Variants in PCLO observed in about 807,000 individuals in gnomAD.
The protein encoded by PCLO is piccolo presynaptic cytomatrix protein.
In PCLO, 82 loss-of-function variants were observed where a neutral mutation model predicts 427.5. The observed-to-expected ratio is 0.19, with a 90% CI of 0.16 to 0.23. The LOEUF (loss-of-function observed/expected upper bound fraction) is 0.23. Among genes scored for constraint, PCLO ranks in the 10% least tolerant of loss-of-function variants. The probability of loss-of-function intolerance (pLI) is 1.00; values close to 1 mark genes in which losing one functional copy is unlikely to be tolerated. For missense variants in PCLO, 6,239 were observed against 6,115.9 expected (o/e 1.02, Z -0.67); for synonymous variants, 2,357 against 2,155.4 (o/e 1.09, Z -2.59).
rs1246074280 is a variant in PCLO, at chr7:82,908,934, G to T, written c.13380C>A (p.Asp4460Glu). The T allele has an allele frequency of 6.2e-7, 1 of 1,612,860 alleles. No individual in the cohort carries two copies. The highest frequency in any genetic ancestry group is 8.5e-7 in the Non-Finnish European group (1 of 1,179,196). The stretch of plus-strand genomic sequence containing the variant: ...GGACCAATCTTTCCGGCAGTTTTCG[G>T]TCCAGACCATGTCCATTTTCCAAAC... ...ESRLENGHGL[D>E]RKLPERLVHS... The change falls in exon 8 of 25, where the codon GAC becomes GAA. Residue 4460 changes from aspartate to glutamate, a missense_variant. Coordinates refer to ENST00000333891, the MANE Select transcript of PCLO (RefSeq NM_033026.6).
chr7:83,084,888 C>T (rs546623467), intron 3 of PCLO, among the ~76,000 whole-genome samples: 1 of 152,250 alleles, frequency 6.6e-6, no homozygotes, highest in East Asian at 1.9e-4. Flanking sequence ...CTTTATCTAT[C>T]AAATTCACAT....
chr7:82,919,923 T>C (rs774858278), intron 6 of PCLO, among the ~76,000 whole-genome samples: 7 of 151,962 alleles, frequency 4.6e-5, no homozygotes, highest in African/African-American at 1.4e-4. Flanking sequence ...ATCTGAACTA[T>C]AGAACCATTA....
intron 10 of PCLO, among the ~76,000 whole-genome samples, chr7:82,853,382 T>C (rs1792717877): frequency 6.6e-6 from 1 of 151,976 alleles, no homozygotes; most frequent in Admixed American, 6.6e-5. Flanking sequence ...TGTACATGAG[T>C]TGTGAGTTTA....
chr7:82,853,181 A>C (rs879706337), intron 10 of PCLO, among the ~76,000 whole-genome samples: 4 of 152,130 alleles, frequency 2.6e-5, no homozygotes, highest in Non-Finnish European at 5.9e-5. Flanking sequence ...GATATTTTTT[A>C]AATTATTATT....
intron 6 of PCLO, among the ~76,000 whole-genome samples, chr7:82,938,763 T>C (rs6961446): frequency 0.53 from 80,315 of 151,800 alleles, 21,680 homozygotes; most frequent in East Asian, 0.8. Context: ...TGGACTCAGA[T>C]ACTAAACGTT....
chr7:82,967,896 T>A (rs1472076273), intron 3 of PCLO, among the ~76,000 whole-genome samples: 1 of 152,186 alleles, frequency 6.6e-6, no homozygotes, highest in Non-Finnish European at 1.5e-5. Context: ...ACAAATAATA[T>A]TGCTTTCATG....
chr7:82,844,387 G>A (rs1204321304), intron 13 of PCLO, among the ~76,000 whole-genome samples: 1 of 152,148 alleles, frequency 6.6e-6, no homozygotes, highest in African/African-American at 2.4e-5. Context: ...ATTTTACGAT[G>A]CAATGATTAA....
intron 14 of PCLO, 73 bp from the exon 15 acceptor site, chr7:82,838,415 T>G (rs962092061): frequency 2.3e-6 from 2 of 885,712 alleles, no homozygotes; most frequent in African/African-American, 1.8e-5. Flanking sequence ...ATTTACTAGT[T>G]TTTTTTAAAG....
rs1791681904 is a variant in PCLO at position 83,134,974 on chromosome 7, T to C, written c.2576A>G (p.Gln859Arg). The C allele has an allele frequency of 6.2e-7, 1 of 1,612,790 alleles. No homozygotes were observed. Among genetic ancestry groups the C allele is most frequent in the South Asian group, 1.1e-5 (1 of 90,946 alleles). ...VQKKEEPKKA[Q>R]TKMSPKPDAK... ...ATCTGGTTTAGGACTCATTTTGGTTTGTGCTTTCTTGGGTTCTTCCTTCTT... is the reference window on the plus strand; with the variant it reads ...ATCTGGTTTAGGACTCATTTTGGTTCGTGCTTTCTTGGGTTCTTCCTTCTT... The change falls in exon 3 of 25, where the codon CAA becomes CGA. Residue 859 changes from glutamine to arginine, a missense_variant. By Grantham distance (43) the Gln-to-Arg change is conservative. Coordinates refer to ENST00000333891, the MANE Select transcript of PCLO (RefSeq NM_033026.6).
At chr7:82,882,091 G>A (rs915733781) in intron 9 of PCLO, among the ~76,000 whole-genome samples, 6 of 152,118 alleles carry the variant, frequency 3.9e-5, no homozygotes, top group East Asian at 1.9e-4. Flanking sequence ...TTTGAATGTC[G>A]TGAAAAGAAA....
chr7:82,828,179 A>G (rs997974714), intron 16 of PCLO, among the ~76,000 whole-genome samples: 1 of 104,874 alleles, frequency 9.5e-6, no homozygotes, highest in African/African-American at 4.3e-5. Context: ...CTTTGCCCTT[A>G]TGATTTTTTT....
At chr7:83,108,445 T>C (rs535130024) in intron 3 of PCLO, among the ~76,000 whole-genome samples, 2 of 152,232 alleles carry the variant, frequency 1.3e-5, no homozygotes, top group East Asian at 3.9e-4. Context: ...TAACCAGAAA[T>C]TGCCATTTTA....
At position 82,916,517 on chromosome 7, in the gene PCLO, G is replaced by A. The variant is rs1476555177; in HGVS notation, c.11469C>T (p.Tyr3823=). The change falls in exon 7 of 25, where the codon TAC becomes TAT. Residue 3823 remains tyrosine (Y), a synonymous_variant. Coordinates refer to ENST00000333891, the MANE Select transcript of PCLO (RefSeq NM_033026.6). ...CACGATCCTCAGCTACTCCCTGGAG[G>A]TAGGCTCGTTCTCTCTTTTCTCTCT... ...LKEREKRERA[Y]LQGVAEDRDY... 2.5e-6 allele frequency: 4 copies of A among 1,613,684 alleles called. No homozygotes were observed. The South Asian group carries it at 4.4e-5, about 18-fold the overall frequency.
chr7:82,855,271 C>T (rs114321402), intron 10 of PCLO, among the ~76,000 whole-genome samples: 1 of 152,052 alleles, frequency 6.6e-6, no homozygotes, highest in Non-Finnish European at 1.5e-5. Context: ...TAGTTTTAAT[C>T]TGTTATACTA....
rs557973364 is a variant in PCLO, at chr7:82,778,716, G to A, written c.15008-17223C>T. On this transcript the variant is annotated intron_variant, in intron 22 of 24. Coordinates refer to ENST00000333891, the MANE Select transcript of PCLO (RefSeq NM_033026.6). Reference sequence around the variant, plus strand: ...GTATTTTTTTTCCATGTAGGCAACCGATTTTCTCTGAGTCATTTATTTATC... The same window carrying A: ...GTATTTTTTTTCCATGTAGGCAACCAATTTTCTCTGAGTCATTTATTTATC... Among the ~76,000 whole-genome samples the A allele has an allele frequency of 4.6e-5, 7 of 151,900 alleles. No individual in the cohort carries two copies. In the East Asian group the frequency reaches 5.8e-4, roughly 13 times the overall value.
At chr7:82,958,109 C>G (rs1795569818) in intron 4 of PCLO, among the ~76,000 whole-genome samples, 1 of 152,178 alleles carries the variant, frequency 6.6e-6, no homozygotes, top group South Asian at 2.1e-4. Context: ...GTTAGGGGAA[C>G]AGCTGCCTAA....
chr7:82,948,949 A>G (rs1795266373), intron 6 of PCLO, among the ~76,000 whole-genome samples: 1 of 152,116 alleles, frequency 6.6e-6, no homozygotes, highest in African/African-American at 2.4e-5. Flanking sequence ...AAGTGTTCCA[A>G]GCCTTTTAAT....
chr7:82,817,942 T>C (rs1482797100), intron 20 of PCLO, among the ~76,000 whole-genome samples: 2 of 152,160 alleles, frequency 1.3e-5, no homozygotes, highest in African/African-American at 4.8e-5. Flanking sequence ...TTAAATTTAG[T>C]ATATTGGATT....
chr7:83,155,960 C>T lies in PCLO; in HGVS notation c.681G>A (p.Arg227=), dbSNP rs1792285478. 2 of 1,613,522 alleles carry T rather than the reference C, an allele frequency of 1.2e-6. No individual in the cohort carries two copies. The highest frequency in any genetic ancestry group is 1.7e-6 in the Non-Finnish European group (2 of 1,179,806). The part of the protein sequence containing the change: ...KPIPKQQGPG[R]DPLQQDGTPK... ...GAGTGCCATCCTGCTGAAGCGGATC[C>T]CTACCAGGTCCTTGCTGCTTAGGAA... The change falls in exon 2 of 25, where the codon AGG becomes AGA. Residue 227 remains arginine (R), a synonymous_variant. Transcript: ENST00000333891.
Sources: allele counts gnomAD v4.1 joint callset (sites outside exome capture counted in the v4.1 genomes callset), GRCh38; gene constraint gnomAD v4.1.1; transcripts MANE v1.5; gene names NCBI Gene and HGNC (gene_info 2026-07-23, HGNC 2026-07-21).